The following MGAM variants were observed in gnomAD, a reference collection of about 807,000 sequenced individuals.
MGAM encodes the protein alpha-1,4-glucosidase.
A neutral mutation model predicts 358.8 loss-of-function variants in MGAM; 253 were observed. The ratio of observed to expected loss-of-function variants is 0.71; its 90% CI spans 0.64 to 0.78. The LOEUF is 0.78. Among genes scored for constraint, MGAM ranks in the 30% least tolerant of loss-of-function variants. The probability of loss-of-function intolerance (pLI) is 0.00; values close to 1 mark genes in which losing one functional copy is unlikely to be tolerated. For missense variants in MGAM, 3,080 were observed against 3,432.6 expected, an observed-to-expected ratio of 0.90 and a Z score of 2.57; for synonymous variants, 1,105 against 1,227.1, an observed-to-expected ratio of 0.90 and a Z score of 2.08.
rs1334000264 is a variant in MGAM, at chr7:142,083,334, A to G, written c.6302A>G (p.Tyr2101Cys). Residue 2101 changes from tyrosine (Y) to cysteine (C), a missense_variant, in exon 53 of 71, where the codon TAC (tyrosine) becomes TGC (cysteine). Tyr to Cys is a radical substitution (Grantham distance 194). This residue lies in a region of MGAM where 932 missense variants were observed against 1,198.2 expected (regional missense o/e 0.78). Transcript: ENST00000475668. The part of the protein sequence containing the change: ...VTFQPLPALT[Y>C]RTTGGVLDFY... ...TTCCAGCCCCTGCCTGCCTTGACATACCGTACCACAGGGGGAGTTCTGGAC... is the reference window on the plus strand; with the variant it reads ...TTCCAGCCCCTGCCTGCCTTGACATGCCGTACCACAGGGGGAGTTCTGGAC... 1.3e-6 allele frequency: 2 copies of G among 1,554,054 alleles called. 1 individual carries two copies. The highest frequency in any genetic ancestry group is 1.8e-6 in the Non-Finnish European group (2 of 1,131,502).
Position 142,052,867 on chromosome 7 carries a change from G to A in MGAM, c.3042G>A (p.Gly1014=). 6.2e-7 allele frequency: 1 copy of A among 1,613,676 alleles called. No homozygotes were observed. The highest frequency in any genetic ancestry group is 1.1e-5 in the South Asian group (1 of 91,058). The change falls in exon 26 of 71, where the codon GGG becomes GGA. Residue 1014 remains glycine, a synonymous_variant. Coordinates refer to ENST00000475668, the MANE Select transcript of MGAM (RefSeq NM_001365693.1). Reference sequence around the variant, plus strand: ...GTGATGTTCAGTATAATTCCCATGGGGCCACAGCTGACATCTCCTTAAAGT... The same window carrying A: ...GTGATGTTCAGTATAATTCCCATGGAGCCACAGCTGACATCTCCTTAAAGT... ...SVSDVQYNSH[G]ATADISLKSS... is the part of the protein sequence containing the mutation.
chr7:142,029,465 T>A (rs1031702706), intron 10 of MGAM, among the ~76,000 whole-genome samples: 1 of 152,196 alleles, frequency 6.6e-6, no homozygotes, highest in Non-Finnish European at 1.5e-5. Flanking sequence ...AGAGGTCATC[T>A]CTTTTTTTAT....
intron 3 of MGAM, among the ~76,000 whole-genome samples, chr7:142,009,231 G>C (rs1805413023): frequency 6.6e-6 from 1 of 152,136 alleles, no homozygotes; most frequent in Non-Finnish European, 1.5e-5. Flanking sequence ...ATGAATACCA[G>C]ATTAAAGACA....
intron 69 of MGAM, 62 bp downstream of exon 69, chr7:142,102,741 C>G (rs549605505): frequency 6.8e-7 from 1 of 1,474,334 alleles, no homozygotes; most frequent in Admixed American, 1.8e-5. Flanking sequence ...TGCTGAATAT[C>G]GTAAGGGCAT....
rs748326934 is a variant in MGAM, at chr7:142,078,444, T to G, written c.5620T>G (p.Cys1874Gly). ...PDENGDSAEN[C>G]TARGCIWEAS... ...TGAGAATGGTGATTCTGCAGAAAACTGCACTGCCCGTGGCTGTATCTGGGA... is the reference window on the plus strand; with the variant it reads ...TGAGAATGGTGATTCTGCAGAAAACGGCACTGCCCGTGGCTGTATCTGGGA... Residue 1874 changes from cysteine to glycine, a missense_variant, in exon 48 of 71, where the codon TGC becomes GGC. By Grantham distance (159) the Cys-to-Gly change is radical. Transcript: ENST00000475668. 2.6e-6 allele frequency: 4 copies of G among 1,545,666 alleles called. No individual in the cohort carries two copies. In the African/African-American group the frequency reaches 5.4e-5, roughly 21 times the overall value.
chr7:142,046,985 A>G (rs1810464825), intron 21 of MGAM, among the ~76,000 whole-genome samples: 1 of 152,168 alleles, frequency 6.6e-6, no homozygotes, highest in African/African-American at 2.4e-5. Flanking sequence ...TGAATATTTA[A>G]TGAAAGCAGA....
chr7:142,076,118 A>C, intron 45 of MGAM, 85 bp from the exon 46 acceptor site: 1 of 1,045,064 alleles, frequency 9.6e-7, no homozygotes, highest in East Asian at 2.4e-5. Context: ...TGACATCAGG[A>C]TGTAACTGAA....
chr7:142,021,175 T>A lies in MGAM; in HGVS notation c.558+92T>A. The stretch of plus-strand genomic sequence containing the variant: ...GTTACTACAAAATAGAAAATTTTGC[T>A]ACTGGATGTATTTTTCTATATTGCT... On this transcript the variant is annotated intron_variant, in intron 5 of 70. Transcript: ENST00000475668. 4 of 858,972 alleles carry A rather than the reference T, an allele frequency of 4.7e-6. No individual in the cohort carries two copies. The South Asian group carries it at 6.9e-5, about 15-fold the overall frequency. 53.2% of individuals were successfully genotyped at this position (858,972 alleles called of 1,614,324 possible). A position where few individuals can be genotyped will look rare whatever the true frequency, so the allele number is the denominator to read the frequency against.
At chr7:142,019,121 A>G in intron 3 of MGAM, 78 bp from the exon 4 acceptor site, 1 of 1,460,304 alleles carries the variant, frequency 6.8e-7, no homozygotes, top group African/African-American at 1.4e-5. Flanking sequence ...CCAGAGTCTC[A>G]AATTAGATGT....
At position 142,065,906 on chromosome 7, in the gene MGAM, G is replaced by A. The variant is rs1400232446; in HGVS notation, c.4770+75G>A. The A allele has an allele frequency of 1.8e-4, 214 of 1,162,906 alleles. 17 individuals are homozygous for A. Among genetic ancestry groups the A allele is most frequent in the Non-Finnish European group, 2.4e-4 (197 of 812,864 alleles). The allele number at this position is 1,162,906 out of a possible 1,614,324, so 72.0% of individuals were successfully genotyped here. A position where few individuals can be genotyped will look rare whatever the true frequency, so the allele number is the denominator to read the frequency against. ...TCTCCATTTCTGTGCTAAAAGTAAT[G>A]CAGTCTCTATTTCCTGGGATATCTT... is the stretch of plus-strand genomic sequence containing the variant. On this transcript the variant is annotated intron_variant, in intron 40 of 70. Coordinates refer to ENST00000475668, the MANE Select transcript of MGAM (RefSeq NM_001365693.1).
At chr7:142,082,687 T>A (rs61567331) in intron 52 of MGAM, 116 bp downstream of exon 52, 48,855 of 835,330 alleles carry the variant, frequency 0.058, 6,538 homozygotes, top group African/African-American at 0.27. Context: ...TTACGGGCAC[T>A]GCTGTTTATT....
intron 47 of MGAM, among the ~76,000 whole-genome samples, chr7:142,077,440 A>T (rs1014539441): frequency 6.2e-5 from 9 of 145,446 alleles, no homozygotes; most frequent in Non-Finnish European, 6.2e-5. Flanking sequence ...ATGTGATTTT[A>T]TTACTCCAGA....
At chr7:142,105,444 C>G (rs893771356) in intron 70 of MGAM, among the ~76,000 whole-genome samples, 1 of 152,094 alleles carries the variant, frequency 6.6e-6, no homozygotes, top group Non-Finnish European at 1.5e-5. Context: ...CCTGCCACCA[C>G]GCCTGGCTAA....
At chr7:142,103,210 G>T in intron 69 of MGAM, 59 bp from the exon 70 acceptor site, 1 of 1,384,544 alleles carries the variant, frequency 7.2e-7, no homozygotes, top group South Asian at 1.5e-5. Flanking sequence ...CTAAAAAGAG[G>T]TTAGAAAAAT....
chr7:142,083,604 A>G lies in MGAM; in HGVS notation c.6381+191A>G, dbSNP rs575720315. Reference sequence around the variant, plus strand: ...TTATAGCCTCTGTAAGCATTGCAGAATAGCAGAAGTTACAGTGGTACTAGT... The same window carrying G: ...TTATAGCCTCTGTAAGCATTGCAGAGTAGCAGAAGTTACAGTGGTACTAGT... On this transcript the variant is annotated intron_variant, in intron 53 of 70. Coordinates refer to ENST00000475668, the MANE Select transcript of MGAM (RefSeq NM_001365693.1). Among the ~76,000 whole-genome samples, 15 of 146,680 alleles carry G rather than the reference A, an allele frequency of 1.0e-4. 2 individuals carry two copies. The highest frequency in any genetic ancestry group is 2.0e-4 in the Non-Finnish European group (13 of 64,794).
intron 18 of MGAM, among the ~76,000 whole-genome samples, chr7:142,037,626 T>C (rs1242745939): frequency 6.6e-6 from 1 of 152,208 alleles, no homozygotes; most frequent in African/African-American, 2.4e-5. Flanking sequence ...ATGAAATTTC[T>C]TGTTAAAAGG....
rs764463545 is a variant in MGAM, at chr7:142,094,364, A to G, written c.7173A>G (p.Glu2391=). The G allele has an allele frequency of 6.6e-7, 1 of 1,520,204 alleles. No homozygotes were observed. 94.2% of individuals were successfully genotyped at this position (1,520,204 alleles called of 1,614,324 possible). A position where few individuals can be genotyped will look rare whatever the true frequency, so the allele number is the denominator to read the frequency against. ...TCACCTCCTTTTCCCCTCCAACCAGAGCCGTGCAGGAGGTGACAGGACAGC... is the reference window on the plus strand; with the variant it reads ...TCACCTCCTTTTCCCCTCCAACCAGGGCCGTGCAGGAGGTGACAGGACAGC... ...YGWSQTRPTY[E]AVQEVTGQRG... is the part of the protein sequence containing the mutation. Residue 2391 remains glutamate (E), a splice_region_variant and synonymous_variant, in exon 61 of 71, where the codon GAA becomes GAG. Coordinates refer to ENST00000475668, the MANE Select transcript of MGAM (RefSeq NM_001365693.1).
At chr7:142,031,629 T>G in intron 12 of MGAM, 51 bp from the exon 13 acceptor site, 1 of 1,262,494 alleles carries the variant, frequency 7.9e-7, no homozygotes, top group African/African-American at 1.5e-5. Flanking sequence ...TTTCCTTTAG[T>G]CTATATTTGT....
rs751343957 is a variant in MGAM, at chr7:142,055,715, C to T, written c.3472C>T (p.Gln1158Ter). ...WHTWGMFSRD[Q>*]PPGYKKNSYG... ...CACTTGGGGGATGTTCTCCCGAGAC[C>T]AGCCCCCAGGGGTAAGGACAGAGCA... The change falls in exon 28 of 71, where the codon CAG (glutamine) becomes TAG (stop). Residue 1158 changes from glutamine to a stop codon, truncating the protein, a stop_gained. Coordinates refer to ENST00000475668, the MANE Select transcript of MGAM (RefSeq NM_001365693.1). LOFTEE classifies it high-confidence loss of function. The T allele has an allele frequency of 6.2e-7, 1 of 1,613,882 alleles. No homozygotes were observed. The highest frequency in any genetic ancestry group is 8.5e-7 in the Non-Finnish European group (1 of 1,179,872).
Sources: allele counts gnomAD v4.1 joint callset (sites outside exome capture counted in the v4.1 genomes callset), GRCh38; gene constraint gnomAD v4.1.1; regional missense constraint gnomAD v4.1.1; transcripts MANE v1.5; gene names NCBI Gene and HGNC (gene_info 2026-07-23, HGNC 2026-07-21).